Variants in NLRP13 observed in about 807,000 individuals in gnomAD.
NLRP13 encodes the protein NACHT, LRR and PYD domains-containing protein 13.
A neutral mutation model predicts 94.4 loss-of-function variants in NLRP13; 82 were observed. The ratio of observed to expected loss-of-function variants is 0.87; its 90% CI spans 0.73 to 1.04. NLRP13 has a LOEUF of 1.04. NLRP13 is among the 50% of genes least tolerant of loss of function. NLRP13 has a pLI of 0.00. For synonymous variants in NLRP13, 553 were observed against 464.7 expected, an observed-to-expected ratio of 1.19 and a Z score of -2.45; for missense variants, 1,426 against 1,230.8, an observed-to-expected ratio of 1.16 and a Z score of -2.37.
downstream of NLRP13, among the ~76,000 whole-genome samples, chr19:55,895,599 C>A (rs1434393871): frequency 1.3e-5 from 2 of 151,476 alleles, no homozygotes; most frequent in South Asian, 4.2e-4. Flanking sequence ...AGGAAAATTG[C>A]TTAAACCCGG....
At chr19:55,901,950 A>AC (rs36085747) in intron 9 of NLRP13, 85 bp downstream of exon 9, 1 of 1,415,660 alleles carries the variant, frequency 7.1e-7, no homozygotes, top group Non-Finnish European at 9.8e-7. Flanking sequence ...CCTCATTCAA[A>AC]CCCCATCAGG....
intron 4 of NLRP13, among the ~76,000 whole-genome samples, chr19:55,920,188 A>G (rs1198395749): frequency 6.6e-6 from 1 of 152,158 alleles, no homozygotes; most frequent in African/African-American, 2.4e-5. Flanking sequence ...TCAAGATGGA[A>G]TAGAGATTTA....
intron 9 of NLRP13, among the ~76,000 whole-genome samples, chr19:55,901,443 A>T (rs1037649895): frequency 2.0e-5 from 3 of 152,002 alleles, no homozygotes; most frequent in Non-Finnish European, 4.4e-5. Context: ...GAGGGGGAAA[A>T]GTCGTCTGCG....
rs370514286 is a variant in NLRP13 at position 55,923,231 on chromosome 19, A to C, written c.523+683T>G. On this transcript the variant is annotated intron_variant, in intron 4 of 10. Transcript: ENST00000342929. ...ACCAGTGTGTGAGAACCTACAGGAA[A>C]AACAGAGAATCCCGTTTATAGTAAC... Among the ~76,000 whole-genome samples, 7 of 152,248 alleles carry C rather than the reference A, an allele frequency of 4.6e-5. No individual in the cohort carries two copies. In the South Asian group the frequency reaches 6.2e-4, roughly 14 times the overall value.
intron 9 of NLRP13, among the ~76,000 whole-genome samples, chr19:55,901,826 G>T (rs2082633230): frequency 1.3e-5 from 2 of 152,002 alleles, no homozygotes; most frequent in Admixed American, 1.3e-4. Context: ...CATCAAACCC[G>T]GGGGCTGGTC....
intron 1 of NLRP13, among the ~76,000 whole-genome samples, chr19:55,927,826 A>G (rs1051035897): frequency 6.6e-6 from 1 of 152,140 alleles, no homozygotes; most frequent in Non-Finnish European, 1.5e-5. Context: ...GTCCAAGGTT[A>G]CCGTTGGTCA....
downstream of NLRP13, among the ~76,000 whole-genome samples, chr19:55,892,386 CAT>C (rs1021725084): frequency 6.4e-3 from 310 of 48,480 alleles, 2 homozygotes; most frequent in African/African-American, 0.019. Context: ...TATACACACA[CAT>C]ACACACACAC....
rs1986401256 is a variant in NLRP13 at position 55,907,961 on chromosome 19, G to A, written c.2283-5C>T. Reference sequence around the variant, plus strand: ...TCAGGAGTTACCGATTTGCACCTGAGGAAGGGAAGGGACATGAAAGCTGGA... The same window carrying A: ...TCAGGAGTTACCGATTTGCACCTGAAGAAGGGAAGGGACATGAAAGCTGGA... On this transcript the variant is annotated splice_polypyrimidine_tract_variant and splice_region_variant and intron_variant, in intron 6 of 10. Coordinates refer to ENST00000342929, the MANE Select transcript of NLRP13 (RefSeq NM_176810.2). 2 of 1,589,902 alleles carry A rather than the reference G, an allele frequency of 1.3e-6. No individual in the cohort carries two copies. The highest frequency in any genetic ancestry group is 1.7e-6 in the Non-Finnish European group (2 of 1,165,028).
At chr19:55,892,102 T>C (rs529676701), downstream of NLRP13, 3 of 1,232,012 alleles carry the variant, frequency 2.4e-6, no homozygotes, top group South Asian at 1.2e-4. Flanking sequence ...CTCACTACAT[T>C]GTGCAGGTCT....
intron 9 of NLRP13, among the ~76,000 whole-genome samples, chr19:55,899,800 A>T (rs1182521120): frequency 6.6e-6 from 1 of 152,108 alleles, no homozygotes; most frequent in African/African-American, 2.4e-5. Flanking sequence ...TGACTACGTG[A>T]AGAACGTCCA....
At chr19:55,898,209 TTTG>T (rs753687280) in intron 10 of NLRP13, among the ~76,000 whole-genome samples, 17,407 of 58,174 alleles carry the variant, frequency 0.3, 1,705 homozygotes, top group East Asian at 0.57. Context: ...TGTTTTTGTT[TTTG>T]TTTTTTTTTT....
chr19:55,902,062 C>T lies in NLRP13; in HGVS notation c.2762G>A (p.Arg921His), dbSNP rs778714175. 14 of 1,614,102 alleles carry T rather than the reference C, an allele frequency of 8.7e-6. No individual in the cohort carries two copies. The highest frequency in any genetic ancestry group is 4.0e-5 in the African/African-American group (3 of 75,066). ...CAGGCTCTGCAGGTTACCATCTGGG[C>T]GACCCAAGGCCTCACACAGGAACTT... ...GVKFLCEALG[R>H]PDGNLQSLNL... Residue 921 changes from arginine to histidine, a missense_variant, in exon 9 of 11, where the codon CGC (arginine) becomes CAC (histidine). By Grantham distance (29) the Arg-to-His change is conservative. Transcript: ENST00000342929.
chr19:55,895,857 T>G, downstream of NLRP13: 1 of 1,433,378 alleles, frequency 7.0e-7, no homozygotes, highest in Non-Finnish European at 9.5e-7. Context: ...GGAAGCCGAG[T>G]GCAATGGAAA....
chr19:55,908,027 T>C (rs1600265446), intron 6 of NLRP13, 71 bp from the exon 7 acceptor site: 1 of 1,397,466 alleles, frequency 7.2e-7, no homozygotes. Flanking sequence ...GTCTGCCTCC[T>C]CACCCTGCCT....
intron 1 of NLRP13, among the ~76,000 whole-genome samples, chr19:55,926,511 G>C (rs1215553793): frequency 6.6e-6 from 1 of 152,170 alleles, no homozygotes; most frequent in Non-Finnish European, 1.5e-5. Flanking sequence ...AATGCCAGAG[G>C]AGCATGTTTT....
chr19:55,924,033 C>T (rs1170507824), intron 3 of NLRP13, 54 bp from the exon 4 acceptor site: 6 of 1,414,564 alleles, frequency 4.2e-6, no homozygotes, highest in African/African-American at 1.4e-5. Context: ...GAAAATGGGC[C>T]ACAATGATAA....
chr19:55,912,288 A>G lies in NLRP13; in HGVS notation c.1529T>C (p.Val510Ala). The change falls in exon 5 of 11, where the codon GTG becomes GCG. Residue 510 changes from valine to alanine, a missense_variant. Coordinates refer to ENST00000342929, the MANE Select transcript of NLRP13 (RefSeq NM_176810.2). ...KEDTEIEGLEVPFIDSLYEFN... is the reference protein window; with the variant it reads ...KEDTEIEGLEAPFIDSLYEFN... ...CTCGTAGAGAGAATCAATGAAAGGC[A>G]CTTCCAGGCCCTCGATCTCAGTGTC... 1.2e-6 allele frequency: 2 copies of G among 1,614,134 alleles called. No homozygotes were observed. Among genetic ancestry groups the G allele is most frequent in the Non-Finnish European group, 1.7e-6 (2 of 1,180,002 alleles).
At chr19:55,922,174 C>T (rs1218198419) in intron 4 of NLRP13, among the ~76,000 whole-genome samples, 1 of 151,976 alleles carries the variant, frequency 6.6e-6, no homozygotes, top group African/African-American at 2.4e-5. Flanking sequence ...AAGATCCACC[C>T]CATGAATCAG....
intron 4 of NLRP13, among the ~76,000 whole-genome samples, chr19:55,919,044 C>T (rs150948128): frequency 6.6e-6 from 1 of 152,022 alleles, no homozygotes; most frequent in African/African-American, 2.4e-5. Flanking sequence ...GGTTTTAACC[C>T]AGGAATACAA....
Sources: allele counts gnomAD v4.1 joint callset (sites outside exome capture counted in the v4.1 genomes callset), GRCh38; gene constraint gnomAD v4.1.1; transcripts MANE v1.5; gene names NCBI Gene and HGNC (gene_info 2026-07-23, HGNC 2026-07-21).